Variants in ZFHX3 observed in about 807,000 individuals in gnomAD.
ZFHX3 encodes zinc finger homeobox protein 3.
ZFHX3 carries 42 observed loss-of-function variants against 279.1 expected under a neutral mutation model. The observed-to-expected ratio is 0.15, with a 90% CI of 0.12 to 0.19. ZFHX3 has a LOEUF of 0.19. ZFHX3 is among the 10% of genes least tolerant of loss of function. ZFHX3 has a pLI of 1.00. For missense variants in ZFHX3, 4,981 were observed against 4,754.0 expected (o/e 1.05, Z -1.40); for synonymous variants, 2,293 against 1,957.8 (o/e 1.17, Z -4.52).
intron 4 of ZFHX3, among the ~76,000 whole-genome samples, chr16:73,270,754 C>A (rs2014121080): frequency 6.6e-6 from 1 of 152,040 alleles, no homozygotes; most frequent in African/African-American, 2.4e-5. Flanking sequence ...ATGCCCTGGA[C>A]CAGAGGCGGA....
At chr16:73,272,078 T>C (rs892816225) in intron 4 of ZFHX3, among the ~76,000 whole-genome samples, 5 of 152,176 alleles carry the variant, frequency 3.3e-5, no homozygotes, top group African/African-American at 1.2e-4. Context: ...ATAACATTCA[T>C]CCATGTCGAA....
intron 2 of ZFHX3, among the ~76,000 whole-genome samples, chr16:73,656,264 A>G (rs796104780): frequency 6.6e-6 from 1 of 152,214 alleles, no homozygotes; most frequent in African/African-American, 2.4e-5. Flanking sequence ...GTGGCCCTTA[A>G]CAGAGTCAGA....
At chr16:73,434,268 C>G (rs2017959906) in intron 3 of ZFHX3, among the ~76,000 whole-genome samples, 1 of 152,162 alleles carries the variant, frequency 6.6e-6, no homozygotes, top group Admixed American at 6.5e-5. Context: ...TGCCCCACTC[C>G]TGGGGCCCTT....
At chr16:73,485,873 T>C (rs1297063996) in intron 2 of ZFHX3, among the ~76,000 whole-genome samples, 2 of 152,186 alleles carry the variant, frequency 1.3e-5, no homozygotes, top group Non-Finnish European at 2.9e-5. Flanking sequence ...AAACTCCTCC[T>C]ACCATCTGCT....
intron 3 of ZFHX3, among the ~76,000 whole-genome samples, chr16:73,334,810 CTTTTTTT>C (rs368597124): frequency 1.1e-3 from 63 of 57,914 alleles, no homozygotes; most frequent in East Asian, 9.5e-3. Flanking sequence ...CTTTCTCATT[CTTTTTTT>C]TTTTTTTTTT....
chr16:73,612,584 G>A (rs1184815029), intron 2 of ZFHX3, among the ~76,000 whole-genome samples: 2 of 152,184 alleles, frequency 1.3e-5, no homozygotes, highest in South Asian at 2.1e-4. Context: ...TGGGTGAAAT[G>A]TATGGTATGT....
At chr16:73,666,214 G>A (rs2052841317) in intron 2 of ZFHX3, among the ~76,000 whole-genome samples, 1 of 151,796 alleles carries the variant, frequency 6.6e-6, no homozygotes, top group African/African-American at 2.4e-5. Flanking sequence ...TGGTTTAAAG[G>A]ATTTAAATCT....
At position 72,788,055 on chromosome 16, in the gene ZFHX3, A is replaced by T. The variant is rs763448446; in HGVS notation, c.10221T>A (p.Ala3407=). The change falls in exon 10 of 10, where the codon GCT becomes GCA. Residue 3407 remains alanine (A), a synonymous_variant. Transcript: ENST00000268489. The part of the protein sequence containing the change: ...KASQTPVPPG[A]PSPDKDPAKE... ...TGGCAGGGTCTTTGTCTGGGGAAGG[A>T]GCCCCGGGGGGGACTGGGGTTTGGC... The T allele has an allele frequency of 6.2e-7, 1 of 1,609,302 alleles. No homozygotes were observed. Among genetic ancestry groups the T allele is most frequent in the East Asian group, 2.2e-5 (1 of 44,778 alleles).
At chr16:73,724,280 A>G (rs1364529203) in intron 1 of ZFHX3, among the ~76,000 whole-genome samples, 1 of 152,200 alleles carries the variant, frequency 6.6e-6, no homozygotes, top group African/African-American at 2.4e-5. Context: ...CAGCAATTCT[A>G]ATTTGGAGAC....
intron 4 of ZFHX3, among the ~76,000 whole-genome samples, chr16:73,274,958 G>A (rs2014251959): frequency 6.6e-6 from 1 of 152,200 alleles, no homozygotes; most frequent in Non-Finnish European, 1.5e-5. Flanking sequence ...TCCACAGGCA[G>A]TAAGCAAGCA....
At chr16:73,790,611 T>A (rs569969334) in intron 1 of ZFHX3, among the ~76,000 whole-genome samples, 1 of 152,248 alleles carries the variant, frequency 6.6e-6, no homozygotes, top group African/African-American at 2.4e-5. Flanking sequence ...AGGTGCTTTC[T>A]GTGGCATCAC....
intron 7 of ZFHX3, among the ~76,000 whole-genome samples, chr16:73,109,479 G>A (rs372693332): frequency 1.4e-5 from 2 of 139,964 alleles, no homozygotes; most frequent in Admixed American, 7.5e-5. Flanking sequence ...CTCTGCCAGC[G>A]CATGCACTAA....
intron 5 of ZFHX3, among the ~76,000 whole-genome samples, chr16:73,153,232 A>G (rs1966990911): frequency 6.6e-6 from 1 of 152,196 alleles, no homozygotes; most frequent in African/African-American, 2.4e-5. Context: ...TTTGGATGTA[A>G]GAATCATCTT....
intron 4 of ZFHX3, among the ~76,000 whole-genome samples, chr16:73,291,940 T>G (rs1217198983): frequency 6.6e-6 from 1 of 152,164 alleles, no homozygotes; most frequent in African/African-American, 2.4e-5. Context: ...ATGTTTTATT[T>G]ACATTTGTAG....
intron 1 of ZFHX3, among the ~76,000 whole-genome samples, chr16:73,778,234 G>GT (rs200612777): frequency 9.8e-4 from 32 of 32,750 alleles, no homozygotes; most frequent in African/African-American, 8.4e-3. Context: ...TTGAAGGAGT[G>GT]TTAAAAAAAA....
intron 3 of ZFHX3, among the ~76,000 whole-genome samples, chr16:72,928,592 A>G (rs961144308): frequency 6.6e-6 from 1 of 152,078 alleles, no homozygotes; most frequent in African/African-American, 2.4e-5. Context: ...CCCAAACCAG[A>G]TGCCTGTTCA....
intron 2 of ZFHX3, among the ~76,000 whole-genome samples, chr16:73,573,268 A>G (rs541544724): frequency 9.2e-5 from 14 of 152,180 alleles, no homozygotes; most frequent in African/African-American, 3.1e-4. Flanking sequence ...CACCCTCCCC[A>G]GTGTGAACCT....
In ZFHX3 at chr16:72,960,153, C is replaced by A. The variant is rs767515565; in HGVS notation, c.-8G>T. On this transcript the variant is annotated 5_prime_UTR_variant, in exon 2 of 10. Coordinates refer to ENST00000268489, the MANE Select transcript of ZFHX3 (RefSeq NM_006885.4). Reference sequence around the variant, plus strand: ...CGAGTCACAGCCTTCCATGGTAAGGCCTGCGTGGAGCTTTCATTGCACCCA... The same window carrying A: ...CGAGTCACAGCCTTCCATGGTAAGGACTGCGTGGAGCTTTCATTGCACCCA... The A allele has an allele frequency of 6.4e-7, 1 of 1,556,252 alleles. No homozygotes were observed. The highest frequency in any genetic ancestry group is 8.7e-7 in the Non-Finnish European group (1 of 1,149,310).
intron 4 of ZFHX3, among the ~76,000 whole-genome samples, chr16:72,862,282 G>A (rs1279493053): frequency 6.6e-6 from 1 of 152,184 alleles, no homozygotes. Context: ...CAATTGCACT[G>A]GCCTACCTTC....
Sources: gnomAD v4.1 joint callset for allele counts (sites outside exome capture counted in the v4.1 genomes callset) on GRCh38, gnomAD v4.1.1 for gene constraint, MANE v1.5 for transcripts, NCBI Gene and HGNC (gene_info 2026-07-23, HGNC 2026-07-21) for gene names.